The following RMND5B variants were observed in gnomAD, a reference collection of about 807,000 sequenced individuals.
RMND5B encodes E3 ubiquitin-protein transferase RMND5B.
In RMND5B, 42 loss-of-function variants were observed where a neutral mutation model predicts 50.4. The ratio of observed to expected loss-of-function variants is 0.83; its 90% CI spans 0.65 to 1.08. The LOEUF is 1.08. Among genes scored for constraint, RMND5B ranks in the 50% least tolerant of loss-of-function variants. The probability of loss-of-function intolerance (pLI) is 0.00; values close to 1 mark genes in which losing one functional copy is unlikely to be tolerated. For missense variants in RMND5B, 463 were observed against 508.5 expected (o/e 0.91, Z 0.86); for synonymous variants, 220 against 210.0 (o/e 1.05, Z -0.41).
chr5:178,137,613 T>C lies in RMND5B; in HGVS notation c.-12-495T>C, dbSNP rs79909647. ...CTAAAGTGGGAGAATCCCTTGGGCC[T>C]GGGGGGATCAAGGTTGCCATGAGCT... is the stretch of plus-strand genomic sequence containing the variant. On this transcript the variant is annotated intron_variant, in intron 2 of 10. Coordinates refer to ENST00000313386, the MANE Select transcript of RMND5B (RefSeq NM_022762.5). This position sits in a 1 kb window ranked among gnomAD's most constrained non-coding sequence, Gnocchi z 4.4. Among the ~76,000 whole-genome samples, 3,132 of 152,100 alleles carry C rather than the reference T, an allele frequency of 0.021. 39 individuals carry two copies. The highest frequency in any genetic ancestry group is 0.061 in the Middle Eastern group (18 of 294).
At position 178,150,136 on chromosome 5, in the gene RMND5B, G is replaced by A; in HGVS notation, c.*2104G>A. On this transcript the variant is annotated 3_prime_UTR_variant, in exon 11 of 11. Transcript: ENST00000313386. ...TTCCTGTGCCTCAGATCTGGCCCCT[G>A]TTACGTAAGATAAGGACAGCTACAG... 1 of 333,268 alleles carries A rather than the reference G, an allele frequency of 3.0e-6. No homozygotes were observed. The allele number at this position is 333,268 out of a possible 1,614,324, so 20.6% of individuals were successfully genotyped here. A position where few individuals can be genotyped will look rare whatever the true frequency, so the allele number is the denominator to read the frequency against.
chr5:178,134,994 T>C (rs1411328984), intron 2 of RMND5B, among the ~76,000 whole-genome samples: 1 of 150,584 alleles, frequency 6.6e-6, no homozygotes, highest in Non-Finnish European at 1.5e-5. Flanking sequence ...AAAAAAAAAT[T>C]ACTGAGTTAA....
rs919890252 is a variant in RMND5B at position 178,143,614 on chromosome 5, T to C, written c.427-13T>C. ...TCTTCCAGTGGTGGGATCTCTTCTC[T>C]CTCTCCTTGTAGGAATCAACGCTGA... On this transcript the variant is annotated splice_polypyrimidine_tract_variant and intron_variant, in intron 5 of 10. Transcript: ENST00000313386. The C allele has an allele frequency of 3.1e-6, 5 of 1,596,492 alleles. No individual in the cohort carries two copies. The highest frequency in any genetic ancestry group is 4.3e-6 in the Non-Finnish European group (5 of 1,164,168).
rs554098973 is a variant in RMND5B, at chr5:178,131,797, G to A, written c.-13+421G>A. Among the ~76,000 whole-genome samples, 10 of 152,264 alleles carry A rather than the reference G, an allele frequency of 6.6e-5. No individual in the cohort carries two copies. In the East Asian group the frequency reaches 1.7e-3, roughly 27 times the overall value. Reference sequence around the variant, plus strand: ...AGGCCCTAGGGCAGAAATCAACTGAGAGTATAGTCAAGGAACAGAAAGCAA... The same window carrying A: ...AGGCCCTAGGGCAGAAATCAACTGAAAGTATAGTCAAGGAACAGAAAGCAA... On this transcript the variant is annotated intron_variant, in intron 2 of 10. Coordinates refer to ENST00000313386, the MANE Select transcript of RMND5B (RefSeq NM_022762.5).
rs1301249159 is a variant in RMND5B, at chr5:178,150,179, C to T, written c.*2147C>T. Reference sequence around the variant, plus strand: ...AGCTACAGGTCCCTCTGAGCCTAAACCCACCTAACCGGACTAACATGGGTG... The same window carrying T: ...AGCTACAGGTCCCTCTGAGCCTAAATCCACCTAACCGGACTAACATGGGTG... On this transcript the variant is annotated 3_prime_UTR_variant, in exon 11 of 11. Coordinates refer to ENST00000313386, the MANE Select transcript of RMND5B (RefSeq NM_022762.5). 4.1e-6 allele frequency: 1 copy of T among 246,540 alleles called. No homozygotes were observed. Among genetic ancestry groups the T allele is most frequent in the African/African-American group, 2.3e-5 (1 of 43,870 alleles). The allele number at this position is 246,540 out of a possible 1,614,324, so 15.3% of individuals were successfully genotyped here. A position where few individuals can be genotyped will look rare whatever the true frequency, so the allele number is the denominator to read the frequency against.
In RMND5B at chr5:178,149,772, ACTC is replaced by A. The variant is rs1756214889; in HGVS notation, c.*1744_*1746del. 6.2e-7 allele frequency: 1 copy of A among 1,613,798 alleles called. No individual in the cohort carries two copies. Among genetic ancestry groups the A allele is most frequent in the Non-Finnish European group, 8.5e-7 (1 of 1,179,890 alleles). On this transcript the variant is annotated 3_prime_UTR_variant, in exon 11 of 11. Transcript: ENST00000313386. The stretch of plus-strand genomic sequence containing the variant: ...AGGCACTCATCGTAAGCCTCCTGGT[ACTC>A]CTCATGGGGCTTGACCATTATCACA...
At position 178,138,520 on chromosome 5, in the gene RMND5B, T is replaced by TGTGTGC. The variant is rs1758746739; in HGVS notation, c.139+267_139+268insCGTGTG. ...TTTTAACTTTTTTTCATTTTATAAT[T>TGTGTGC]GTGTGTGTGTGTGTGTGTGTGTGTG... On this transcript the variant is annotated intron_variant, in intron 3 of 10. Transcript: ENST00000313386. The surrounding 1 kb of genome is among the most constrained non-coding windows in gnomAD (Gnocchi z 5.1). The TGTGTGC allele has an allele frequency of 1.5e-5, 4 of 268,644 alleles. No individual in the cohort carries two copies. Among genetic ancestry groups the TGTGTGC allele is most frequent in the Non-Finnish European group, 2.0e-5 (4 of 199,814 alleles). The allele number at this position is 268,644 out of a possible 1,614,324, so 16.6% of individuals were successfully genotyped here.
chr5:178,132,666 C>T (rs1290592269), intron 2 of RMND5B, among the ~76,000 whole-genome samples: 3 of 150,960 alleles, frequency 2.0e-5, no homozygotes, highest in Non-Finnish European at 4.4e-5. Flanking sequence ...CCCAGGAGGT[C>T]GAGGCTGCAG....
rs1164454607 is a variant in RMND5B, at chr5:178,137,042, A to G, written c.-12-1066A>G. Among the ~76,000 whole-genome samples, 1 of 152,186 alleles carries G rather than the reference A, an allele frequency of 6.6e-6. No individual in the cohort carries two copies. The highest frequency in any genetic ancestry group is 2.4e-5 in the African/African-American group (1 of 41,430). ...AGAGGGAGCTAGGTGGGCACAGGCT[A>G]GAGACAGCTGCTGAAGACGCTGACG... On this transcript the variant is annotated intron_variant, in intron 2 of 10. Coordinates refer to ENST00000313386, the MANE Select transcript of RMND5B (RefSeq NM_022762.5). The surrounding 1 kb of genome is among the most constrained non-coding windows in gnomAD (Gnocchi z 4.4).
rs1465231070 is a variant in RMND5B at position 178,147,826 on chromosome 5, T to C, written c.1061T>C (p.Leu354Pro). Residue 354 changes from leucine to proline, a missense_variant, in exon 10 of 11, where the codon CTC becomes CCC. By Grantham distance (98) the Leu-to-Pro change is moderately conservative. Transcript: ENST00000313386. Reference protein sequence around the residue: ...QTSDSNPPIKLICGHVISRDA... With the variant: ...QTSDSNPPIKPICGHVISRDA... ...TCAGATTCCAACCCTCCCATCAAGCTCATCTGTGGCCATGTTATCTCCCGA... is the reference window on the plus strand; with the variant it reads ...TCAGATTCCAACCCTCCCATCAAGCCCATCTGTGGCCATGTTATCTCCCGA... The C allele has an allele frequency of 6.2e-7, 1 of 1,613,946 alleles. No homozygotes were observed. Among genetic ancestry groups the C allele is most frequent in the Non-Finnish European group, 8.5e-7 (1 of 1,180,030 alleles).
chr5:178,144,720 G>GAAAAAAAAAA (rs111233356), intron 7 of RMND5B, among the ~76,000 whole-genome samples: 10 of 111,742 alleles, frequency 8.9e-5, no homozygotes, highest in East Asian at 5.7e-4. Flanking sequence ...CTCCGTCTCA[G>GAAAAAAAAAA]AAAAAAAAAA....
intron 8 of RMND5B, 74 bp downstream of exon 8, chr5:178,146,353 A>G: frequency 6.9e-7 from 1 of 1,440,154 alleles, no homozygotes; most frequent in Non-Finnish European, 9.6e-7. Context: ...AGGCCCTGCC[A>G]TGTGCCAGGA....
chr5:178,146,454 A>C, intron 8 of RMND5B, 175 bp downstream of exon 8: 1 of 634,164 alleles, frequency 1.6e-6, no homozygotes, highest in Non-Finnish European at 2.7e-6. Context: ...AACTGAGACT[A>C]GGAAGAGTTA....
chr5:178,134,971 G>A (rs1254592548), intron 2 of RMND5B, among the ~76,000 whole-genome samples: 5 of 85,412 alleles, frequency 5.9e-5, no homozygotes, highest in Non-Finnish European at 9.6e-5. Context: ...GAGCGAGACC[G>A]TCTACAAAAA....
In RMND5B at chr5:178,148,248, G is replaced by A; in HGVS notation, c.*216G>A. ...ACCTGGCTCCATGGCATAAGGAAAG[G>A]GAGATGCTGGCCTCTGTGCTCCTGC... On this transcript the variant is annotated 3_prime_UTR_variant, in exon 11 of 11. Transcript: ENST00000313386. 2 of 600,434 alleles carry A rather than the reference G, an allele frequency of 3.3e-6. No homozygotes were observed. Among genetic ancestry groups the A allele is most frequent in the Non-Finnish European group, 3.0e-6 (1 of 337,578 alleles). 37.2% of individuals were successfully genotyped at this position (600,434 alleles called of 1,614,324 possible). A position where few individuals can be genotyped will look rare whatever the true frequency, so the allele number is the denominator to read the frequency against.
At chr5:178,140,660 T>C (rs1758881826) in intron 3 of RMND5B, among the ~76,000 whole-genome samples, 3 of 151,688 alleles carry the variant, frequency 2.0e-5, no homozygotes, top group Admixed American at 1.3e-4. Context: ...CAAAACCACA[T>C]CTCTACTAAA....
chr5:178,138,372 C>T lies in RMND5B; in HGVS notation c.139+114C>T, dbSNP rs4976711. 0.011 allele frequency: 16,012 copies of T among 1,455,674 alleles called. 123 individuals are homozygous for T. The highest frequency in any genetic ancestry group is 0.013 in the Non-Finnish European group (14,416 of 1,101,532). 90.2% of individuals were successfully genotyped at this position (1,455,674 alleles called of 1,614,324 possible). On this transcript the variant is annotated intron_variant, in intron 3 of 10. Coordinates refer to ENST00000313386, the MANE Select transcript of RMND5B (RefSeq NM_022762.5). This position sits in a 1 kb window ranked among gnomAD's most constrained non-coding sequence, Gnocchi z 5.1. ...ACGATGATGAGGATGTTGGTACCTG[C>T]ATCTGTAGGCCTCCTTGAAACCGGG...
chr5:178,138,084 C>T lies in RMND5B; in HGVS notation c.-12-24C>T, dbSNP rs1758711478. ...CCATGCCACCGTGGCCCAGATGGGG[C>T]CTGACCCAGCTGACCCTCCCCAGGC... On this transcript the variant is annotated intron_variant, in intron 2 of 10. Coordinates refer to ENST00000313386, the MANE Select transcript of RMND5B (RefSeq NM_022762.5). The surrounding 1 kb of genome is among the most constrained non-coding windows in gnomAD (Gnocchi z 5.1). 1 of 1,557,052 alleles carries T rather than the reference C, an allele frequency of 6.4e-7. No homozygotes were observed. The highest frequency in any genetic ancestry group is 2.4e-5 in the East Asian group (1 of 41,370).
chr5:178,143,630 T>C lies in RMND5B; in HGVS notation c.430T>C (p.Ser144Pro). The C allele has an allele frequency of 1.2e-6, 2 of 1,611,886 alleles. No individual in the cohort carries two copies. Among genetic ancestry groups the C allele is most frequent in the Non-Finnish European group, 1.7e-6 (2 of 1,177,970 alleles). ...TCTCTTCTCTCTCTCCTTGTAGGAA[T>C]CAACGCTGAATGTGGACTTGGATTT... The part of the protein sequence containing the change: ...LSVAEELCQE[S>P]TLNVDLDFKQ... The change falls in exon 6 of 11, where the codon TCA becomes CCA. Residue 144 changes from serine (S) to proline (P), a missense_variant. Ser to Pro is a moderately conservative substitution (Grantham distance 74). Transcript: ENST00000313386.
Sources: allele counts gnomAD v4.1 joint callset (sites outside exome capture counted in the v4.1 genomes callset), GRCh38; gene constraint gnomAD v4.1.1; non-coding constraint Gnocchi (gnomAD v3.1); transcripts MANE v1.5; gene names NCBI Gene and HGNC (gene_info 2026-07-23, HGNC 2026-07-21).